CERS3: variants seen among roughly 807,000 people sequenced by gnomAD.
CERS3 encodes ceramide synthase 3.
A neutral mutation model predicts 50.3 loss-of-function variants in CERS3; 33 were observed. The observed-to-expected ratio is 0.66, with a 90% CI of 0.50 to 0.88. The LOEUF (loss-of-function observed/expected upper bound fraction) is 0.88, where lower values mean the gene tolerates loss of function less well. Ranked by LOEUF, CERS3 falls within the 40% of genes least tolerant of loss-of-function variation. CERS3 has a pLI of 0.00. For missense variants in CERS3, 470 were observed against 460.3 expected (o/e 1.02, Z -0.19); for synonymous variants, 176 against 155.2 (o/e 1.13, Z -0.99).
intron 11 of CERS3, among the ~76,000 whole-genome samples, chr15:100,438,351 C>T (rs2033526107): frequency 6.6e-6 from 1 of 151,932 alleles, no homozygotes; most frequent in Admixed American, 6.6e-5. Context: ...GGCCTGTATT[C>T]ACTATTTATT....
At chr15:100,530,790 T>C (rs2036918841), upstream of CERS3, among the ~76,000 whole-genome samples, 3 of 152,098 alleles carry the variant, frequency 2.0e-5, no homozygotes, top group South Asian at 2.1e-4. Context: ...CAAAAGAATA[T>C]TGGGGAACCA....
intron 3 of CERS3, among the ~76,000 whole-genome samples, chr15:100,496,135 T>C (rs1596761502): frequency 6.6e-6 from 1 of 152,212 alleles, no homozygotes; most frequent in East Asian, 1.9e-4. Context: ...CAATATTCTA[T>C]TGTAGGGATA....
chr15:100,423,098 G>GACA (rs1179850105), intron 11 of CERS3, among the ~76,000 whole-genome samples: 1 of 29,532 alleles, frequency 3.4e-5, no homozygotes, highest in Non-Finnish European at 8.4e-5. Context: ...AAAAAAAAAT[G>GACA]TTAAAAAAAA....
intron 2 of CERS3, among the ~76,000 whole-genome samples, chr15:100,520,722 T>C (rs536485256): frequency 1.3e-5 from 2 of 152,160 alleles, no homozygotes; most frequent in East Asian, 3.9e-4. Context: ...AGGCAGAGTG[T>C]TGCCTTGGAT....
intron 11 of CERS3, among the ~76,000 whole-genome samples, chr15:100,417,924 C>T (rs540591990): frequency 1.3e-5 from 2 of 152,160 alleles, no homozygotes; most frequent in South Asian, 4.1e-4. Flanking sequence ...ACCGAAAACC[C>T]ATCTGTACAT....
In CERS3 at chr15:100,490,872, G is replaced by A. The variant is rs748973704; in HGVS notation, c.233C>T (p.Thr78Ile). The A allele has an allele frequency of 1.2e-6, 2 of 1,612,426 alleles. No individual in the cohort carries two copies. Among genetic ancestry groups the A allele is most frequent in the South Asian group, 1.1e-5 (1 of 90,888 alleles). Residue 78 changes from threonine to isoleucine, a missense_variant, in exon 4 of 12, where the codon ACA becomes ATA. Transcript: ENST00000679737. ...FGIKETVRKV[T>I]PNTVLENFFK... ...AAAATTCTCTAAGACAGTATTTGGTGTAACCTTTCGAACTGTCTCTTTAAT... is the reference window on the plus strand; with the variant it reads ...AAAATTCTCTAAGACAGTATTTGGTATAACCTTTCGAACTGTCTCTTTAAT...
chr15:100,454,157 A>C (rs980994516), intron 11 of CERS3, among the ~76,000 whole-genome samples: 2 of 152,166 alleles, frequency 1.3e-5, no homozygotes, highest in Non-Finnish European at 2.9e-5. Flanking sequence ...TTGGGAGGCC[A>C]AGGCAAGAGA....
intron 9 of CERS3, 62 bp downstream of exon 9, chr15:100,472,862 T>C: frequency 6.2e-7 from 1 of 1,603,482 alleles, no homozygotes; most frequent in Non-Finnish European, 8.5e-7. Flanking sequence ...ATTACTTCTG[T>C]GAGCAGTTAC....
upstream of CERS3, among the ~76,000 whole-genome samples, chr15:100,530,882 A>G (rs2036921115): frequency 6.6e-6 from 1 of 152,146 alleles, no homozygotes; most frequent in African/African-American, 2.4e-5. Context: ...CAGGAGTTTG[A>G]GACCAGCCTG....
chr15:100,491,376 T>C (rs749331100), intron 3 of CERS3, among the ~76,000 whole-genome samples: 1 of 152,164 alleles, frequency 6.6e-6, no homozygotes, highest in Non-Finnish European at 1.5e-5. Context: ...AATAATAGGA[T>C]TGACGGGTGG....
chr15:100,454,643 G>C (rs1220208443), intron 11 of CERS3, among the ~76,000 whole-genome samples: 1 of 152,098 alleles, frequency 6.6e-6, no homozygotes, highest in East Asian at 1.9e-4. Context: ...AAATACTTCA[G>C]GACATTGGTC....
chr15:100,402,736 G>A lies in CERS3; in HGVS notation c.1129C>T (p.Pro377Ser), dbSNP rs771126884. 2.5e-6 allele frequency: 4 copies of A among 1,614,144 alleles called. No individual in the cohort carries two copies. The Admixed American group carries it at 6.7e-5, about 27-fold the overall frequency. ...NGLRAERHLI[P>S]NGQHGH ...AGCTAATGGCCATGCTGGCCATTGG[G>A]AATGAGGTGCCTCTCAGCCCTGAGG... Residue 377 changes from proline to serine, a missense_variant, in exon 12 of 12, where the codon CCC becomes TCC. Physicochemically the swap from Pro to Ser is moderately conservative, Grantham distance 74 (BLOSUM62 -1). Transcript: ENST00000679737.
At chr15:100,534,515 C>T (rs1455982146) in intron 1 of CERS3, among the ~76,000 whole-genome samples, 4 of 150,566 alleles carry the variant, frequency 2.7e-5, no homozygotes, top group Admixed American at 2.6e-4. Flanking sequence ...TCTTGGGGCC[C>T]CAAAAATCAC....
chr15:100,503,939 C>A, intron 2 of CERS3: 3 of 357,186 alleles, frequency 8.4e-6, no homozygotes, highest in Non-Finnish European at 1.7e-5. Flanking sequence ...GAGTGAAGGT[C>A]AAAGACATGT....
intron 11 of CERS3, among the ~76,000 whole-genome samples, chr15:100,404,785 G>A (rs1275801255): frequency 6.6e-6 from 1 of 152,234 alleles, no homozygotes; most frequent in Non-Finnish European, 1.5e-5. Context: ...ATGCAGATCA[G>A]TGGAACAGAA....
Position 100,402,442 on chromosome 15 carries a change from G to T in CERS3, c.*271C>A. 1 of 422,900 alleles carries T rather than the reference G, an allele frequency of 2.4e-6. No homozygotes were observed. The highest frequency in any genetic ancestry group is 4.2e-6 in the Non-Finnish European group (1 of 236,362). The allele number at this position is 422,900 out of a possible 1,614,324, so 26.2% of individuals were successfully genotyped here. A position where few individuals can be genotyped will look rare whatever the true frequency, so the allele number is the denominator to read the frequency against. Reference sequence around the variant, plus strand: ...CCCTGAGAAAGTGACATGCATGAGGGAGTGCAATTAGAACTGAGACGGTTC... The same window carrying T: ...CCCTGAGAAAGTGACATGCATGAGGTAGTGCAATTAGAACTGAGACGGTTC... On this transcript the variant is annotated 3_prime_UTR_variant, in exon 12 of 12. Coordinates refer to ENST00000679737, the MANE Select transcript of CERS3 (RefSeq NM_001378789.1).
At chr15:100,454,897 T>C (rs1484136912) in intron 11 of CERS3, among the ~76,000 whole-genome samples, 1 of 151,872 alleles carries the variant, frequency 6.6e-6, no homozygotes, top group Non-Finnish European at 1.5e-5. Flanking sequence ...CAAATAATAA[T>C]GATAATTCCA....
upstream of CERS3, among the ~76,000 whole-genome samples, chr15:100,532,173 G>A (rs918570133): frequency 2.6e-5 from 4 of 152,174 alleles, no homozygotes; most frequent in African/African-American, 9.7e-5. Flanking sequence ...CAGTTGCATG[G>A]GTGTAGATGG....
intron 1 of CERS3, among the ~76,000 whole-genome samples, chr15:100,524,546 C>T (rs975798153): frequency 7.2e-5 from 11 of 152,304 alleles, no homozygotes; most frequent in African/African-American, 2.6e-4. Flanking sequence ...AACCCTGTAA[C>T]TTTGACCCAA....
Sources: allele counts gnomAD v4.1 joint callset (sites outside exome capture counted in the v4.1 genomes callset), GRCh38; gene constraint gnomAD v4.1.1; transcripts MANE v1.5; gene names NCBI Gene and HGNC (gene_info 2026-07-23, HGNC 2026-07-21).